Variants in CACNA1G observed in about 807,000 individuals in gnomAD.
CACNA1G encodes voltage-dependent T-type calcium channel subunit alpha-1G.
A neutral mutation model predicts 219.4 loss-of-function variants in CACNA1G; 67 were observed. That is an observed-to-expected ratio of 0.31 (90% CI 0.25 to 0.37). The LOEUF is 0.37. CACNA1G is among the 10% of genes least tolerant of loss of function. The pLI is 1.00. For synonymous variants in CACNA1G, 1,296 were observed against 1,345.3 expected (o/e 0.96, Z 0.80); for missense variants, 2,380 against 3,231.4 (o/e 0.74, Z 6.39).
intron 7 of CACNA1G, 104 bp downstream of exon 7, chr17:50,573,217 C>G (rs2039849527): frequency 2.5e-6 from 2 of 800,606 alleles, no homozygotes; most frequent in Non-Finnish European, 4.2e-6. Context: ...TTTTAGCTCT[C>G]AGGACAAGTC....
chr17:50,617,199 A>C lies in CACNA1G; in HGVS notation c.5022-239A>C, dbSNP rs1217959630. Among the ~76,000 whole-genome samples, 1 of 152,202 alleles carries C rather than the reference A, an allele frequency of 6.6e-6. No homozygotes were observed. Among genetic ancestry groups the C allele is most frequent in the Non-Finnish European group, 1.5e-5 (1 of 68,042 alleles). On this transcript the variant is annotated intron_variant, in intron 28 of 37. Transcript: ENST00000359106. This position sits in a 1 kb window ranked among gnomAD's most constrained non-coding sequence, Gnocchi z 5.8. Reference sequence around the variant, plus strand: ...GAACACCATATAAGTGCTAAATTAAAAATAAAAGCAAATGAATACAAATGA... The same window carrying C: ...GAACACCATATAAGTGCTAAATTAACAATAAAAGCAAATGAATACAAATGA...
chr17:50,591,271 C>T (rs1167471445), intron 10 of CACNA1G, among the ~76,000 whole-genome samples, 164 bp from the exon 11 acceptor site: 1 of 152,200 alleles, frequency 6.6e-6, no homozygotes, highest in Non-Finnish European at 1.5e-5. Flanking sequence ...CAAATCCTCA[C>T]TATCTTGGAG....
rs112267969 is a variant in CACNA1G at position 50,591,269 on chromosome 17, C to T, written c.2454-166C>T. Among the ~76,000 whole-genome samples, 18 of 152,320 alleles carry T rather than the reference C, an allele frequency of 1.2e-4. 1 individual carries two copies. Among genetic ancestry groups the T allele is most frequent in the African/African-American group, 3.6e-4 (15 of 41,586 alleles). ...GGGCCGGGGCTGTCACCCAAATCCT[C>T]ACTATCTTGGAGGCTCCTGCTTAGA... On this transcript the variant is annotated intron_variant, in intron 10 of 37. Coordinates refer to ENST00000359106, the MANE Select transcript of CACNA1G (RefSeq NM_018896.5).
In CACNA1G at chr17:50,599,645, G is replaced by C. The variant is rs181588882; in HGVS notation, c.3476G>C (p.Arg1159Pro). The change falls in exon 17 of 38, where the codon CGC becomes CCC. Residue 1159 changes from arginine to proline, a missense_variant. By Grantham distance (103) the Arg-to-Pro change is moderately radical (BLOSUM62 -2). Around this residue, in one of 17 missense-constraint regions of CACNA1G, gnomAD observed 418 missense variants for 434.3 expected, o/e 0.96. Transcript: ENST00000359106. ...GCCAGCCCTGCGGGCAGTGACCATC[G>C]CCACAGGGGGTCCCTGGAGCGGGAG... is the stretch of plus-strand genomic sequence containing the variant. ...ERASPAGSDH[R>P]HRGSLEREAK... 6.2e-7 allele frequency: 1 copy of C among 1,612,766 alleles called. No individual in the cohort carries two copies. The highest frequency in any genetic ancestry group is 1.3e-5 in the African/African-American group (1 of 74,926).
rs528504128 is a variant in CACNA1G, at chr17:50,601,230, C to A, written c.3915+56C>A. On this transcript the variant is annotated intron_variant, in intron 19 of 37. Transcript: ENST00000359106. ...CTCTCCTGGGGTTTGCACTCAGGAC[C>A]AGTGAGGGAGGCAAGGAGGCCACAG... 10 of 1,594,438 alleles carry A rather than the reference C, an allele frequency of 6.3e-6. No individual in the cohort carries two copies. In the African/African-American group the frequency reaches 6.7e-5, roughly 11 times the overall value.
chr17:50,566,396 G>A (rs1031197668), intron 1 of CACNA1G, among the ~76,000 whole-genome samples: 5 of 152,026 alleles, frequency 3.3e-5, no homozygotes, highest in Non-Finnish European at 4.4e-5. Context: ...CTTACGTGTC[G>A]TGGAAGGAGA....
Position 50,619,700 on chromosome 17 carries a change from C to T in CACNA1G, c.5799C>T (p.Asp1933=). 2 of 1,610,424 alleles carry T rather than the reference C, an allele frequency of 1.2e-6. No homozygotes were observed. The highest frequency in any genetic ancestry group is 2.2e-5 in the East Asian group (1 of 44,860). ...LEHPTDRQLF[D]TISLLIQGSL... is the part of the protein sequence containing the mutation. ...CTCCCCAGGACAGGCAGCTGTTTGA[C>T]ACCATATCCCTGCTGATCCAGGGCT... The change falls in exon 34 of 38, where the codon GAC becomes GAT. Residue 1933 remains aspartate (D), a synonymous_variant. Coordinates refer to ENST00000359106, the MANE Select transcript of CACNA1G (RefSeq NM_018896.5).
intron 22 of CACNA1G, 130 bp from the exon 23 acceptor site, chr17:50,605,765 TGAC>T: frequency 1.1e-6 from 1 of 887,404 alleles, no homozygotes; most frequent in South Asian, 1.6e-5. Flanking sequence ...TTCCCTGACT[TGAC>T]TGGCCCCAGA....
chr17:50,596,493 G>C lies in CACNA1G; in HGVS notation c.2980-69G>C, dbSNP rs1445552578. ...TGTGGTGTGCGTGTGTGAAGAGAGGGAGGCCCGGTCCATCCCAACCACCCA... is the reference window on the plus strand; with the variant it reads ...TGTGGTGTGCGTGTGTGAAGAGAGGCAGGCCCGGTCCATCCCAACCACCCA... On this transcript the variant is annotated intron_variant, in intron 14 of 37. Transcript: ENST00000359106. The surrounding 1 kb of genome is among the most constrained non-coding windows in gnomAD (Gnocchi z 4.8). 2.4e-6 allele frequency: 3 copies of C among 1,254,314 alleles called. No individual in the cohort carries two copies. The highest frequency in any genetic ancestry group is 3.0e-5 in the African/African-American group (2 of 67,718). 77.7% of individuals were successfully genotyped at this position (1,254,314 alleles called of 1,614,324 possible).
At chr17:50,625,369 C>G (rs922758189) in intron 37 of CACNA1G, among the ~76,000 whole-genome samples, 9 of 152,220 alleles carry the variant, frequency 5.9e-5, no homozygotes, top group Admixed American at 5.9e-4. Flanking sequence ...AGTCCTTATT[C>G]ATTCTGCAAA....
intron 8 of CACNA1G, 43 bp downstream of exon 8, chr17:50,576,369 G>A (rs2040651562): frequency 6.5e-7 from 1 of 1,542,354 alleles, no homozygotes; most frequent in African/African-American, 1.4e-5. Context: ...CTCGTCTGGG[G>A]ACTGGGTGGC....
intron 1 of CACNA1G, among the ~76,000 whole-genome samples, chr17:50,565,458 C>G (rs2144468032): frequency 6.6e-6 from 1 of 152,172 alleles, no homozygotes; most frequent in Non-Finnish European, 1.5e-5. Context: ...CCATGTTACC[C>G]TAGGGGTTGC....
chr17:50,605,868 T>C, intron 22 of CACNA1G, 30 bp from the exon 23 acceptor site: 1 of 1,612,476 alleles, frequency 6.2e-7, no homozygotes, highest in Non-Finnish European at 8.5e-7. Context: ...CACAGCTCAC[T>C]TTTCTCTGTC....
At position 50,621,615 on chromosome 17, in the gene CACNA1G, C is replaced by T. The variant is rs199899569; in HGVS notation, c.5926-45C>T. The T allele has an allele frequency of 2.4e-5, 38 of 1,605,146 alleles. No individual in the cohort carries two copies. The East Asian group carries it at 6.7e-4, about 28-fold the overall frequency. On this transcript the variant is annotated intron_variant, in intron 34 of 37. Coordinates refer to ENST00000359106, the MANE Select transcript of CACNA1G (RefSeq NM_018896.5). This position sits in a 1 kb window ranked among gnomAD's most constrained non-coding sequence, Gnocchi z 4.6. The stretch of plus-strand genomic sequence containing the variant: ...GTGTGTGCGTGTGCACGCGCGTGTG[C>T]GCTGTCCTGGTTTCTCATGCCTGAT...
At chr17:50,615,611 G>T (rs1377555153) in intron 27 of CACNA1G, 99 bp downstream of exon 27, 1 of 1,355,764 alleles carries the variant, frequency 7.4e-7, no homozygotes, top group Non-Finnish European at 1.0e-6. Context: ...TCTGTGCCAA[G>T]CAAGTGCTAG....
intron 23 of CACNA1G, 91 bp from the exon 24 acceptor site, chr17:50,606,809 G>A: frequency 1.2e-6 from 1 of 863,798 alleles, no homozygotes; most frequent in Non-Finnish European, 1.9e-6. Context: ...GGTACTTGGA[G>A]CTGATGCAGG....
rs751060300 is a variant in CACNA1G, at chr17:50,626,492, G to T, written c.6875G>T (p.Gly2292Val). Residue 2292 changes from glycine to valine, a missense_variant, in exon 38 of 38, where the codon GGC (glycine) becomes GTC (valine). Coordinates refer to ENST00000359106, the MANE Select transcript of CACNA1G (RefSeq NM_018896.5). This position sits in a 1 kb window ranked among gnomAD's most constrained non-coding sequence, Gnocchi z 4.3. ...HLGTDPSNLG[G>V]QPLGGPGSRP... Reference sequence around the variant, plus strand: ...GGCACAGACCCCTCTAACCTTGGGGGCCAGCCTCTTGGGGGGCCTGGGAGC... The same window carrying T: ...GGCACAGACCCCTCTAACCTTGGGGTCCAGCCTCTTGGGGGGCCTGGGAGC... 6.3e-7 allele frequency: 1 copy of T among 1,590,578 alleles called. No individual in the cohort carries two copies. The highest frequency in any genetic ancestry group is 1.4e-5 in the African/African-American group (1 of 73,868).
chr17:50,605,919 G>C lies in CACNA1G; in HGVS notation c.4318G>C (p.Val1440Leu), dbSNP rs373363575. The change falls in exon 23 of 38, where the codon GTG becomes CTG. Residue 1440 changes from valine to leucine, a missense_variant. Around this residue, in one of 17 missense-constraint regions of CACNA1G, gnomAD observed 153 missense variants for 374.9 expected, o/e 0.41. Transcript: ENST00000359106. ...GVQLFKGKFF[V>L]CQGEDTRNIT... ...CCAGCTCTTCAAAGGGAAGTTTTTCGTGTGCCAGGGCGAGGATACCAGGAA... is the reference window on the plus strand; with the variant it reads ...CCAGCTCTTCAAAGGGAAGTTTTTCCTGTGCCAGGGCGAGGATACCAGGAA... 1.9e-6 allele frequency: 3 copies of C among 1,613,420 alleles called. No individual in the cohort carries two copies. The highest frequency in any genetic ancestry group is 2.2e-5 in the East Asian group (1 of 44,882).
At chr17:50,595,411 C>T (rs1398564721) in intron 14 of CACNA1G, among the ~76,000 whole-genome samples, 2 of 152,226 alleles carry the variant, frequency 1.3e-5, no homozygotes, top group Non-Finnish European at 2.9e-5. Flanking sequence ...CCGGAGGAGT[C>T]CCAGACGTCC....
Sources: gnomAD v4.1 joint callset for allele counts (sites outside exome capture counted in the v4.1 genomes callset) on GRCh38, gnomAD v4.1.1 for gene constraint, gnomAD v4.1.1 regional missense constraint, Gnocchi (gnomAD v3.1) non-coding constraint, MANE v1.5 for transcripts, NCBI Gene and HGNC (gene_info 2026-07-23, HGNC 2026-07-21) for gene names.